Variants in RYR2 observed in about 807,000 individuals in gnomAD.
RYR2 encodes the protein ryanodine receptor 2.
In RYR2, 227 loss-of-function variants were observed where a neutral mutation model predicts 601.1. The observed-to-expected ratio is 0.38, with a 90% CI of 0.34 to 0.42. The LOEUF is 0.42. Among genes scored for constraint, RYR2 ranks in the 10% least tolerant of loss-of-function variants. RYR2 has a pLI of 1.00. For missense variants in RYR2, 4,646 were observed against 6,156.5 expected (o/e 0.75, Z 8.21); for synonymous variants, 2,223 against 2,175.1 (o/e 1.02, Z -0.61).
rs199854494 is a variant in RYR2 at position 237,506,873 on chromosome 1, C to A, written c.2718+59C>A. On this transcript the variant is annotated intron_variant, in intron 23 of 104. Coordinates refer to ENST00000366574, the MANE Select transcript of RYR2 (RefSeq NM_001035.3). ...TGAATACATCTTTCTGAAAACATAACTTTTTCTGCCTTTTCCCGCTATGGG... is the reference window on the plus strand; with the variant it reads ...TGAATACATCTTTCTGAAAACATAAATTTTTCTGCCTTTTCCCGCTATGGG... 7 of 1,356,298 alleles carry A rather than the reference C, an allele frequency of 5.2e-6. No homozygotes were observed. In the African/African-American group the frequency reaches 5.7e-5, roughly 11 times the overall value. 84.0% of individuals were successfully genotyped at this position (1,356,298 alleles called of 1,614,324 possible).
chr1:237,740,607 C>G lies in RYR2; in HGVS notation c.11092-1689C>G, dbSNP rs79964917. Among the ~76,000 whole-genome samples the G allele has an allele frequency of 6.8e-3, 1,037 of 152,192 alleles. 16 individuals are homozygous for G. Among genetic ancestry groups the G allele is most frequent in the African/African-American group, 0.024 (985 of 41,520 alleles). ...ATTTGTCTGAATGTATTCTTTATCT[C>G]AATCCTTGTGTCTCTCCTATGTTTC... On this transcript the variant is annotated intron_variant, in intron 79 of 104. Transcript: ENST00000366574.
intron 84 of RYR2, among the ~76,000 whole-genome samples, chr1:237,765,430 C>CA (rs1435091164): frequency 1.3e-5 from 2 of 152,080 alleles, no homozygotes; most frequent in Admixed American, 1.3e-4. Flanking sequence ...CTCACTACAA[C>CA]ATTAACTACC....
In RYR2 at chr1:237,251,072, A is replaced by G. The variant is rs532846156; in HGVS notation, c.49-19425A>G. On this transcript the variant is annotated intron_variant, in intron 1 of 104. Transcript: ENST00000366574. ...TGTGTGTGTGTGTGTGTATGCATAT[A>G]GATACATTGTCTCTCCCTATTTTAT... Among the ~76,000 whole-genome samples the G allele has an allele frequency of 1.2e-3, 174 of 146,608 alleles. 1 individual carries two copies. Among genetic ancestry groups the G allele is most frequent in the African/African-American group, 4.0e-3 (164 of 40,760 alleles).
At chr1:237,245,628 T>C (rs1014319372) in intron 1 of RYR2, among the ~76,000 whole-genome samples, 3 of 152,148 alleles carry the variant, frequency 2.0e-5, no homozygotes, top group South Asian at 2.1e-4. Flanking sequence ...AAAGATAATG[T>C]TGGGAAAGGG....
intron 2 of RYR2, among the ~76,000 whole-genome samples, chr1:237,288,300 A>G (rs764924310): frequency 9.2e-5 from 14 of 152,178 alleles, no homozygotes; most frequent in Non-Finnish European, 1.8e-4. Context: ...GCCTGCCAGG[A>G]AATGGCACTT....
chr1:237,572,218 A>G (rs1268046349), intron 29 of RYR2, among the ~76,000 whole-genome samples: 3 of 152,134 alleles, frequency 2.0e-5, no homozygotes, highest in East Asian at 1.9e-4. Flanking sequence ...GGTGTTATCT[A>G]TCTGTCTACA....
intron 5 of RYR2, among the ~76,000 whole-genome samples, chr1:237,366,000 G>T (rs1231435989): frequency 6.6e-6 from 1 of 152,202 alleles, no homozygotes; most frequent in Non-Finnish European, 1.5e-5. Context: ...GGTTAGAATT[G>T]GATTAAGGGG....
At chr1:237,110,080 G>A (rs12033905) in intron 1 of RYR2, among the ~76,000 whole-genome samples, 32,946 of 151,828 alleles carry the variant, frequency 0.22, 3,844 homozygotes, top group East Asian at 0.51. Context: ...AATTTTCTTT[G>A]TGGAATGATA....
At chr1:237,642,146 C>T (rs530934959) in intron 47 of RYR2, among the ~76,000 whole-genome samples, 2 of 152,246 alleles carry the variant, frequency 1.3e-5, no homozygotes, top group East Asian at 3.9e-4. Flanking sequence ...GGCTTTCTTA[C>T]AAAGCACCTT....
At chr1:237,529,766 C>CACACAA (rs1164425230) in intron 24 of RYR2, among the ~76,000 whole-genome samples, 1 of 141,146 alleles carries the variant, frequency 7.1e-6, no homozygotes, top group Non-Finnish European at 1.5e-5. Context: ...ATCATACACA[C>CACACAA]ACACACACAC....
At chr1:237,152,457 T>C (rs1674826642) in intron 1 of RYR2, among the ~76,000 whole-genome samples, 1 of 152,208 alleles carries the variant, frequency 6.6e-6, no homozygotes, top group Non-Finnish European at 1.5e-5. Context: ...TGAACTAGTT[T>C]ACATTCCCAC....
chr1:237,578,684 AGGTCTCTC>A (rs753598033), intron 29 of RYR2, among the ~76,000 whole-genome samples: 44,497 of 151,610 alleles, frequency 0.29, 7,244 homozygotes, highest in East Asian at 0.6. Context: ...AGATTTGTTA[AGGTCTCTC>A]ACCCATTCTG....
rs377678062 is a variant in RYR2, at chr1:237,553,922, A to G, written c.3214+3231A>G. On this transcript the variant is annotated intron_variant, in intron 27 of 104. Coordinates refer to ENST00000366574, the MANE Select transcript of RYR2 (RefSeq NM_001035.3). ...GTCAGTTCTATTTTTTTGTAAATTC[A>G]GTGGGATTGTCTATATACATAATCA... is the stretch of plus-strand genomic sequence containing the variant. 3.3e-4 allele frequency among the ~76,000 whole-genome samples: 50 copies of G among 152,024 alleles called. No homozygotes were observed. In the South Asian group the frequency reaches 7.5e-3, roughly 23 times the overall value.
At chr1:237,488,010 G>A (rs1662886039) in intron 17 of RYR2, among the ~76,000 whole-genome samples, 3 of 151,862 alleles carry the variant, frequency 2.0e-5, no homozygotes. Flanking sequence ...AAAAATCGGG[G>A]ATTTGTTTTC....
chr1:237,594,903 T>G lies in RYR2; in HGVS notation c.4437-595T>G, dbSNP rs796797370. Among the ~76,000 whole-genome samples, 252 of 31,478 alleles carry G rather than the reference T, an allele frequency of 8.0e-3. 3 individuals carry two copies. The highest frequency in any genetic ancestry group is 0.013 in the African/African-American group (233 of 17,604). 20.7% of individuals were successfully genotyped at this position (31,478 alleles called of 152,430 possible). Reference sequence around the variant, plus strand: ...ATCACTGGGTTTTTTTTTTTTTTTTTTTTTTTTTTTTTTTTTTTTTTTTTT... The same window carrying G: ...ATCACTGGGTTTTTTTTTTTTTTTTGTTTTTTTTTTTTTTTTTTTTTTTTT... On this transcript the variant is annotated intron_variant, in intron 33 of 104. Coordinates refer to ENST00000366574, the MANE Select transcript of RYR2 (RefSeq NM_001035.3).
rs753604347 is a variant in RYR2 at position 237,500,699 on chromosome 1, T to G, written c.2204-12T>G. ...AAATACATGACCTTCCTTAATGTTT[T>G]CCCCCCAATAGGTTGTATTGCTCGT... On this transcript the variant is annotated splice_polypyrimidine_tract_variant and intron_variant, in intron 20 of 104. Coordinates refer to ENST00000366574, the MANE Select transcript of RYR2 (RefSeq NM_001035.3). The G allele has an allele frequency of 6.4e-7, 1 of 1,570,976 alleles. No homozygotes were observed. The highest frequency in any genetic ancestry group is 8.6e-7 in the Non-Finnish European group (1 of 1,156,292).
intron 48 of RYR2, among the ~76,000 whole-genome samples, chr1:237,643,659 C>T (rs1482946729): frequency 6.6e-6 from 1 of 150,916 alleles, no homozygotes; most frequent in Non-Finnish European, 1.5e-5. Flanking sequence ...GTAGCCCAGG[C>T]TGGAGTGCAG....
At chr1:237,694,509 CA>C (rs1210918869) in intron 63 of RYR2, among the ~76,000 whole-genome samples, 1 of 151,866 alleles carries the variant, frequency 6.6e-6, no homozygotes, top group Non-Finnish European at 1.5e-5. Context: ...ATATGCATGG[CA>C]AAAACAACTA....
chr1:237,548,342 A>G (rs1019485589), intron 25 of RYR2, 89 bp from the exon 26 acceptor site: 1 of 1,369,158 alleles, frequency 7.3e-7, no homozygotes, highest in Non-Finnish European at 1.0e-6. Context: ...ATGGAAGAAC[A>G]GTAATGAGGT....
Sources: gnomAD v4.1 joint callset for allele counts (sites outside exome capture counted in the v4.1 genomes callset) on GRCh38, gnomAD v4.1.1 for gene constraint, MANE v1.5 for transcripts, NCBI Gene and HGNC (gene_info 2026-07-23, HGNC 2026-07-21) for gene names.